SH3BGR: variants seen among roughly 807,000 people sequenced by gnomAD.
The protein encoded by SH3BGR is SH3 domain-binding glutamic acid-rich protein.
In SH3BGR, 29 loss-of-function variants were observed where a neutral mutation model predicts 24.5. The ratio of observed to expected loss-of-function variants is 1.18; its 90% CI spans 0.88 to 1.61. The LOEUF (loss-of-function observed/expected upper bound fraction) is 1.61, where lower values mean the gene tolerates loss of function less well. Ranked by LOEUF, SH3BGR falls within the 40% of genes most tolerant of loss-of-function variation. SH3BGR has a pLI of 0.00. For missense variants in SH3BGR, 162 were observed against 205.8 expected (o/e 0.79, Z 1.30); for synonymous variants, 55 against 65.7 (o/e 0.84, Z 0.79).
intron 4 of SH3BGR, among the ~76,000 whole-genome samples, chr21:39,504,273 G>T (rs756592638): frequency 6.6e-6 from 1 of 152,278 alleles, no homozygotes; most frequent in Non-Finnish European, 1.5e-5. Flanking sequence ...ATGTAGGTTT[G>T]TGGGAGGAGT....
chr21:39,469,635 T>C (rs2077903626), intron 2 of SH3BGR, among the ~76,000 whole-genome samples: 1 of 110,640 alleles, frequency 9.0e-6, no homozygotes, highest in South Asian at 3.2e-4. Context: ...ATTTTCTTTT[T>C]TTTAAATTTA....
rs1452194938 is a variant in SH3BGR at position 39,515,349 on chromosome 21, A to G, written c.*296A>G. 5.7e-6 allele frequency: 1 copy of G among 175,234 alleles called. No individual in the cohort carries two copies. Among genetic ancestry groups the G allele is most frequent in the Non-Finnish European group, 1.2e-5 (1 of 80,708 alleles). 10.9% of individuals were successfully genotyped at this position (175,234 alleles called of 1,614,324 possible). A position where few individuals can be genotyped will look rare whatever the true frequency, so the allele number is the denominator to read the frequency against. On this transcript the variant is annotated 3_prime_UTR_variant, in exon 7 of 7. Coordinates refer to ENST00000333634, the MANE Select transcript of SH3BGR (RefSeq NM_007341.3). ...TGCATAGCTAGACCATCTTATTAAT[A>G]ATACTCTGAAAAAAATGATTTCAAG...
Position 39,452,018 on chromosome 21 carries a change from G to C in SH3BGR, c.-79G>C, listed in dbSNP as rs753893986. The stretch of plus-strand genomic sequence containing the variant: ...GCCCCGACCTGGCACTTGCTTGCCT[G>C]TGTCACTGTCAGGATTTGTCTAGCG... On this transcript the variant is annotated 5_prime_UTR_variant, in exon 1 of 7. Coordinates refer to ENST00000333634, the MANE Select transcript of SH3BGR (RefSeq NM_007341.3). The C allele has an allele frequency of 1.2e-6, 2 of 1,614,054 alleles. No individual in the cohort carries two copies. The highest frequency in any genetic ancestry group is 1.7e-5 in the Admixed American group (1 of 60,006).
At chr21:39,455,662 C>T (rs1250481829) in intron 1 of SH3BGR, among the ~76,000 whole-genome samples, 1 of 152,310 alleles carries the variant, frequency 6.6e-6, no homozygotes, top group African/African-American at 2.4e-5. Context: ...AGCCGGGGCA[C>T]AGGGGTGCAG....
chr21:39,510,366 A>ACG (rs1491589053), intron 5 of SH3BGR, among the ~76,000 whole-genome samples: 5 of 25,778 alleles, frequency 1.9e-4, no homozygotes, highest in African/African-American at 4.5e-4. Context: ...GTAGCTACAT[A>ACG]CACACACACA....
intron 4 of SH3BGR, 85 bp from the exon 5 acceptor site, chr21:39,508,913 T>G: frequency 2.0e-6 from 2 of 1,013,322 alleles, no homozygotes; most frequent in Non-Finnish European, 3.0e-6. Context: ...GCTTGTATTT[T>G]ATTATAGTTT....
intron 3 of SH3BGR, among the ~76,000 whole-genome samples, chr21:39,477,033 T>A (rs1449983617): frequency 6.6e-6 from 1 of 152,174 alleles, no homozygotes; most frequent in Non-Finnish European, 1.5e-5. Context: ...CTTTGCAATA[T>A]CTTTTTATTT....
chr21:39,474,368 C>G (rs1301652672), intron 2 of SH3BGR, among the ~76,000 whole-genome samples: 1 of 152,122 alleles, frequency 6.6e-6, no homozygotes, highest in Non-Finnish European at 1.5e-5. Context: ...ACTTTGTGAG[C>G]CTTTTTGCAA....
chr21:39,493,007 C>T (rs989181904), intron 3 of SH3BGR, among the ~76,000 whole-genome samples: 13 of 152,084 alleles, frequency 8.5e-5, no homozygotes, highest in Middle Eastern at 3.2e-3. Context: ...ATTGTAGATT[C>T]TGGATATTAG....
chr21:39,455,782 A>G (rs994543747), intron 1 of SH3BGR, among the ~76,000 whole-genome samples: 3 of 152,200 alleles, frequency 2.0e-5, no homozygotes, highest in African/African-American at 7.2e-5. Context: ...GCAGAACTCA[A>G]GTGCCCTGAA....
chr21:39,510,315 T>A (rs2078656409), intron 5 of SH3BGR, among the ~76,000 whole-genome samples: 1 of 150,928 alleles, frequency 6.6e-6, no homozygotes. Flanking sequence ...AAGAGGAAAA[T>A]GAACATAGCT....
intron 3 of SH3BGR, among the ~76,000 whole-genome samples, chr21:39,476,540 C>T (rs568932317): frequency 2.0e-5 from 3 of 152,288 alleles, no homozygotes; most frequent in Non-Finnish European, 2.9e-5. Flanking sequence ...AAATGCCCTA[C>T]TCCTTCCCAC....
chr21:39,485,608 C>T (rs1168140480), intron 3 of SH3BGR, among the ~76,000 whole-genome samples: 13 of 151,848 alleles, frequency 8.6e-5, no homozygotes, highest in Non-Finnish European at 1.9e-4. Flanking sequence ...GGTTAGTCGT[C>T]TAATGAACCC....
In SH3BGR at chr21:39,507,315, A is replaced by G. The variant is rs541379069; in HGVS notation, c.406-1683A>G. Among the ~76,000 whole-genome samples the G allele has an allele frequency of 2.8e-4, 43 of 152,196 alleles. No individual in the cohort carries two copies. In the South Asian group the frequency reaches 8.3e-3, roughly 29 times the overall value. On this transcript the variant is annotated intron_variant, in intron 4 of 6. Coordinates refer to ENST00000333634, the MANE Select transcript of SH3BGR (RefSeq NM_007341.3). ...GTGGGAGTGTGTTGGATGCTGTATA[A>G]CTTGCCTTCTGTGATATTTATTTAT...
intron 3 of SH3BGR, among the ~76,000 whole-genome samples, chr21:39,488,139 C>T (rs933501417): frequency 5.3e-5 from 8 of 152,212 alleles, no homozygotes; most frequent in Non-Finnish European, 1.0e-4. Flanking sequence ...CCATCTGCTT[C>T]TCAACTAAAG....
At chr21:39,464,723 A>G (rs1472184571) in intron 2 of SH3BGR, among the ~76,000 whole-genome samples, 1 of 152,254 alleles carries the variant, frequency 6.6e-6, no homozygotes, top group African/African-American at 2.4e-5. Context: ...GTCCAGTTCA[A>G]ATTCCTCCTC....
At chr21:39,457,679 C>T (rs1298013735) in intron 1 of SH3BGR, among the ~76,000 whole-genome samples, 1 of 151,822 alleles carries the variant, frequency 6.6e-6, no homozygotes, top group African/African-American at 2.4e-5. Context: ...TGCCTGTAAT[C>T]CCAGCACTTT....
At chr21:39,507,561 G>A (rs1213865321) in intron 4 of SH3BGR, among the ~76,000 whole-genome samples, 3 of 152,190 alleles carry the variant, frequency 2.0e-5, no homozygotes, top group Admixed American at 6.5e-5. Flanking sequence ...TCAAACTCCT[G>A]ATCTCAGGTG....
intron 1 of SH3BGR, among the ~76,000 whole-genome samples, chr21:39,461,564 T>G (rs1362246015): frequency 1.3e-5 from 2 of 152,136 alleles, no homozygotes; most frequent in African/African-American, 2.4e-5. Flanking sequence ...GGAAATAACA[T>G]TCAGAAAAAG....
Sources: gnomAD v4.1 joint callset for allele counts (sites outside exome capture counted in the v4.1 genomes callset) on GRCh38, gnomAD v4.1.1 for gene constraint, MANE v1.5 for transcripts, NCBI Gene and HGNC (gene_info 2026-07-23, HGNC 2026-07-21) for gene names.